Variants in STARD10 observed in about 807,000 individuals in gnomAD.
STARD10 encodes the protein START domain-containing protein 10.
A neutral mutation model predicts 36.0 loss-of-function variants in STARD10; 24 were observed. That is an observed-to-expected ratio of 0.67 (90% CI 0.48 to 0.94). STARD10 has a LOEUF of 0.94. Ranked by LOEUF, STARD10 falls within the 40% of genes least tolerant of loss-of-function variation. The pLI is 0.00. For missense variants in STARD10, 335 were observed against 396.6 expected (o/e 0.84, Z 1.32); for synonymous variants, 156 against 161.9 (o/e 0.96, Z 0.28).
At chr11:72,761,989 G>A (rs529208711) in intron 2 of STARD10, among the ~76,000 whole-genome samples, 8 of 127,640 alleles carry the variant, frequency 6.3e-5, no homozygotes, top group African/African-American at 1.8e-4. Flanking sequence ...GCAATGACAC[G>A]ATCTTGGCTC....
rs527713358 is a variant in STARD10 at position 72,786,916 on chromosome 11, C to CA, written c.-113-5623dup. 7.7e-4 allele frequency among the ~76,000 whole-genome samples: 117 copies of CA among 151,730 alleles called. 1 individual carries two copies. Among genetic ancestry groups the CA allele is most frequent in the Non-Finnish European group, 1.4e-3 (97 of 67,886 alleles). ...GGAACATAGTGAGACGCCATCTCTA[C>CA]AAAAAAATGTAAAACTTAGCTGGGC... is the stretch of plus-strand genomic sequence containing the variant. On this transcript the variant is annotated intron_variant, in intron 1 of 6. Coordinates refer to ENST00000334805, the MANE Select transcript of STARD10 (RefSeq NM_006645.3).
At chr11:72,790,098 C>T (rs1859122540) in intron 1 of STARD10, among the ~76,000 whole-genome samples, 1 of 152,242 alleles carries the variant, frequency 6.6e-6, no homozygotes. Flanking sequence ...CCCAGACCGG[C>T]CCTGGGTTTC....
At chr11:72,755,802 C>G in intron 5 of STARD10, 49 bp from the exon 6 acceptor site, 1 of 1,542,076 alleles carries the variant, frequency 6.5e-7, no homozygotes, top group South Asian at 1.2e-5. Flanking sequence ...CCAGCCCCTC[C>G]GCCCCTGACA....
chr11:72,775,602 G>A (rs1434806565), intron 2 of STARD10, among the ~76,000 whole-genome samples: 1 of 152,084 alleles, frequency 6.6e-6, no homozygotes, highest in Non-Finnish European at 1.5e-5. Context: ...CCTCCTCCGT[G>A]GAGTTCCTTC....
At chr11:72,769,096 T>TG (rs1162036968) in intron 2 of STARD10, among the ~76,000 whole-genome samples, 3 of 152,152 alleles carry the variant, frequency 2.0e-5, no homozygotes, top group South Asian at 2.1e-4. Context: ...GGTAAAGGGC[T>TG]GGGGGGTGGA....
chr11:72,782,560 T>TAC (rs148645204), intron 1 of STARD10: 34 of 151,718 alleles, frequency 2.2e-4, no homozygotes, highest in East Asian at 1.7e-3. Context: ...AACGCGCGTG[T>TAC]ACACACACAC....
chr11:72,770,593 T>A (rs956901106), intron 2 of STARD10, among the ~76,000 whole-genome samples: 1 of 152,152 alleles, frequency 6.6e-6, no homozygotes, highest in Non-Finnish European at 1.5e-5. Flanking sequence ...AAGCTGGGAC[T>A]CAGCTGAGTT....
At chr11:72,789,086 ATCC>A (rs1859111328) in intron 1 of STARD10, among the ~76,000 whole-genome samples, 1 of 152,178 alleles carries the variant, frequency 6.6e-6, no homozygotes, top group Non-Finnish European at 1.5e-5. Flanking sequence ...GCCTCAAGCA[ATCC>A]TCCTGCCTTG....
chr11:72,762,115 G>A (rs180711316), intron 2 of STARD10, among the ~76,000 whole-genome samples: 16 of 151,214 alleles, frequency 1.1e-4, no homozygotes, highest in African/African-American at 3.2e-4. Flanking sequence ...TAATAGAGAC[G>A]GGGTTTCACC....
intron 2 of STARD10, among the ~76,000 whole-genome samples, chr11:72,761,720 G>T (rs1026595328): frequency 6.6e-6 from 1 of 151,758 alleles, no homozygotes; most frequent in Admixed American, 6.6e-5. Flanking sequence ...CTCCAGCCTG[G>T]GTGACAGAGC....
chr11:72,780,427 A>G (rs144967001), intron 2 of STARD10: 2 of 452,592 alleles, frequency 4.4e-6, no homozygotes, highest in African/African-American at 4.0e-5. Context: ...TCTGCCAGCC[A>G]CAATCCTGAG....
In STARD10 at chr11:72,781,558, C is replaced by A. The variant is rs1858998180; in HGVS notation, c.-113-264G>T. On this transcript the variant is annotated intron_variant, in intron 1 of 6. Coordinates refer to ENST00000334805, the MANE Select transcript of STARD10 (RefSeq NM_006645.3). This position sits in a 1 kb window ranked among gnomAD's most constrained non-coding sequence, Gnocchi z 4.7. ...CCGGGACCCGAGGGGAGGGACGGTG[C>A]GGCGGGGCCCGCGGAGCGACCTGCT... The A allele has an allele frequency of 1.9e-5, 3 of 159,636 alleles. No homozygotes were observed. The highest frequency in any genetic ancestry group is 6.7e-5 in the Admixed American group (1 of 14,932). The allele number at this position is 159,636 out of a possible 1,614,324, so 9.9% of individuals were successfully genotyped here.
intron 2 of STARD10, among the ~76,000 whole-genome samples, chr11:72,770,005 G>C (rs1858837035): frequency 6.6e-6 from 1 of 152,158 alleles, no homozygotes; most frequent in Non-Finnish European, 1.5e-5. Context: ...TACAGAGCAA[G>C]ATTAAATAAA....
chr11:72,756,188 A>G (rs925256783), intron 5 of STARD10, among the ~76,000 whole-genome samples: 3 of 152,022 alleles, frequency 2.0e-5, no homozygotes, highest in Non-Finnish European at 4.4e-5. Context: ...CCTCTGGCTG[A>G]GCACCCCAGC....
chr11:72,780,963 G>T lies in STARD10; in HGVS notation c.207+12C>A. 1 of 1,613,850 alleles carries T rather than the reference G, an allele frequency of 6.2e-7. No homozygotes were observed. Among genetic ancestry groups the T allele is most frequent in the South Asian group, 1.1e-5 (1 of 91,076 alleles). ...GTGCAGTGGAGGCTGCAGGTATAGC[G>T]GGCAACCCTACCTTGATCTTGTGCA... is the stretch of plus-strand genomic sequence containing the variant. On this transcript the variant is annotated intron_variant, in intron 2 of 6. Transcript: ENST00000334805.
In STARD10 at chr11:72,781,073, ACT is replaced by A; in HGVS notation, c.107_108del (p.Glu36ValfsTer2). 6.2e-7 allele frequency: 1 copy of A among 1,613,958 alleles called. No homozygotes were observed. Among genetic ancestry groups the A allele is most frequent in the Non-Finnish European group, 8.5e-7 (1 of 1,179,994 alleles). ...AGGTTCCAGCCCACCTCAGCCTCAC[ACT>A]CTGACCGGAAGCTGCGAAAGTCTTG... ...DDQDFRSFRS[E>X]CEAEVGWNLT... On this transcript the variant is annotated frameshift_variant, in exon 2 of 7. Transcript: ENST00000334805. LOFTEE classifies it high-confidence loss of function. The surrounding 1 kb of genome is among the most constrained non-coding windows in gnomAD (Gnocchi z 4.7).
chr11:72,762,368 T>G (rs186553965), intron 2 of STARD10, among the ~76,000 whole-genome samples: 91 of 152,274 alleles, frequency 6.0e-4, no homozygotes, highest in African/African-American at 2.1e-3. Flanking sequence ...ACACATTATT[T>G]TATTCTTACA....
intron 2 of STARD10, among the ~76,000 whole-genome samples, chr11:72,774,893 T>C (rs1359328618): frequency 2.0e-5 from 3 of 152,192 alleles, no homozygotes; most frequent in African/African-American, 7.2e-5. Context: ...CAGGACTCCC[T>C]TTCTCTCATC....
Position 72,781,402 on chromosome 11 carries a change from G to A in STARD10, c.-113-108C>T. 1.8e-6 allele frequency: 1 copy of A among 570,922 alleles called. No homozygotes were observed. Among genetic ancestry groups the A allele is most frequent in the East Asian group, 2.9e-5 (1 of 34,344 alleles). 35.4% of individuals were successfully genotyped at this position (570,922 alleles called of 1,614,324 possible). ...GAGAGAGGTAGGGGCTGGCCCCAGGGAAGGGCGGACGGGCGCTGGACAGCC... is the reference window on the plus strand; with the variant it reads ...GAGAGAGGTAGGGGCTGGCCCCAGGAAAGGGCGGACGGGCGCTGGACAGCC... On this transcript the variant is annotated intron_variant, in intron 1 of 6. Coordinates refer to ENST00000334805, the MANE Select transcript of STARD10 (RefSeq NM_006645.3). The surrounding 1 kb of genome is among the most constrained non-coding windows in gnomAD (Gnocchi z 4.7).
Sources: gnomAD v4.1 joint callset for allele counts (sites outside exome capture counted in the v4.1 genomes callset) on GRCh38, gnomAD v4.1.1 for gene constraint, Gnocchi (gnomAD v3.1) non-coding constraint, MANE v1.5 for transcripts, NCBI Gene and HGNC (gene_info 2026-07-23, HGNC 2026-07-21) for gene names.